The following CDH18 variants were observed in gnomAD, a reference collection of about 807,000 sequenced individuals.
CDH18 encodes cadherin-18.
Under a neutral mutation model 67.9 loss-of-function variants are expected in CDH18, and 31 were observed. The ratio of observed to expected loss-of-function variants is 0.46; its 90% confidence interval spans 0.34 to 0.62. CDH18 has a LOEUF of 0.62. CDH18 is among the 20% of genes least tolerant of loss of function. CDH18 has a pLI of 0.01. For missense variants in CDH18, 890 were observed against 975.5 expected, an observed-to-expected ratio of 0.91 and a Z score of 1.17; for synonymous variants, 362 against 347.2, an observed-to-expected ratio of 1.04 and a Z score of -0.48.
chr5:20,432,578 A>T (rs1202686371), intron 1 of CDH18, among the ~76,000 whole-genome samples: 1 of 152,052 alleles, frequency 6.6e-6, no homozygotes, highest in Non-Finnish European at 1.5e-5. Context: ...AGGACAAGGT[A>T]TTGGCCGGGC....
chr5:19,961,422 T>G (rs547283024), intron 2 of CDH18, among the ~76,000 whole-genome samples: 1 of 152,114 alleles, frequency 6.6e-6, no homozygotes, highest in East Asian at 1.9e-4. Context: ...CATTATAATC[T>G]TATGAGACCA....
intron 9 of CDH18, among the ~76,000 whole-genome samples, chr5:19,529,839 C>T (rs1395023797): frequency 1.3e-5 from 2 of 152,096 alleles, no homozygotes; most frequent in Admixed American, 6.5e-5. Context: ...GGATAAAATG[C>T]TCAATGTTGT....
chr5:20,295,872 CTTTT>C (rs35024141), intron 1 of CDH18, among the ~76,000 whole-genome samples: 2 of 109,970 alleles, frequency 1.8e-5, no homozygotes, highest in Admixed American at 1.1e-4. Context: ...TCTTTTTTTT[CTTTT>C]TTTTTTTTTT....
intron 10 of CDH18, among the ~76,000 whole-genome samples, chr5:19,519,194 G>C (rs551038400): frequency 6.6e-6 from 1 of 152,062 alleles, no homozygotes; most frequent in African/African-American, 2.4e-5. Context: ...ATTATGTCTA[G>C]AGTTTTTTAT....
intron 2 of CDH18, among the ~76,000 whole-genome samples, chr5:19,936,381 G>A (rs1473963123): frequency 1.3e-5 from 2 of 151,174 alleles, no homozygotes; most frequent in South Asian, 2.1e-4. Context: ...ACAAAATGTT[G>A]AGGAAAGCCA....
At chr5:19,714,566 A>C (rs1482223367) in intron 5 of CDH18, among the ~76,000 whole-genome samples, 1 of 151,688 alleles carries the variant, frequency 6.6e-6, no homozygotes, top group Non-Finnish European at 1.5e-5. Flanking sequence ...CAAGAGGAAC[A>C]AATTACTTAG....
chr5:19,495,011 T>C (rs1742050967), intron 11 of CDH18, among the ~76,000 whole-genome samples: 1 of 152,172 alleles, frequency 6.6e-6, no homozygotes, highest in African/African-American at 2.4e-5. Flanking sequence ...CATTAACAGT[T>C]CGTACTGTGA....
chr5:19,776,530 T>C (rs931007519), intron 3 of CDH18, among the ~76,000 whole-genome samples: 2 of 152,020 alleles, frequency 1.3e-5, no homozygotes, highest in African/African-American at 4.8e-5. Context: ...GAAAATAAAT[T>C]CATACAGGGA....
chr5:19,965,073 G>C (rs1167215931), intron 2 of CDH18, among the ~76,000 whole-genome samples: 16 of 152,184 alleles, frequency 1.1e-4, no homozygotes, highest in Non-Finnish European at 4.4e-5. Context: ...ATTTATCAAA[G>C]TTTTTGTGGA....
intron 2 of CDH18, among the ~76,000 whole-genome samples, chr5:20,016,671 A>G (rs1202499274): frequency 6.6e-6 from 1 of 152,148 alleles, no homozygotes; most frequent in African/African-American, 2.4e-5. Context: ...AAAATTTTCA[A>G]TTGTCCAATA....
At chr5:20,191,754 A>G (rs1266732907) in intron 2 of CDH18, among the ~76,000 whole-genome samples, 1 of 152,048 alleles carries the variant, frequency 6.6e-6, no homozygotes, top group Non-Finnish European at 1.5e-5. Context: ...TTTCCAGTCT[A>G]TCATTGATGG....
chr5:20,394,230 G>A (rs1263449878), intron 1 of CDH18, among the ~76,000 whole-genome samples: 2 of 146,600 alleles, frequency 1.4e-5, no homozygotes, highest in Non-Finnish European at 3.0e-5. Flanking sequence ...CAGTGGAAGA[G>A]AATATAGAAT....
chr5:19,474,784 A>C (rs1352273925), intron 12 of CDH18, among the ~76,000 whole-genome samples: 5 of 152,098 alleles, frequency 3.3e-5, no homozygotes, highest in Non-Finnish European at 7.4e-5. Context: ...GCTCTTGCTA[A>C]ATATGGTGGA....
intron 2 of CDH18, among the ~76,000 whole-genome samples, chr5:20,006,365 T>C (rs1736905067): frequency 6.6e-6 from 1 of 151,962 alleles, no homozygotes; most frequent in Non-Finnish European, 1.5e-5. Context: ...TACAATAATA[T>C]TTTCTACCAA....
intron 5 of CDH18, among the ~76,000 whole-genome samples, chr5:19,684,397 A>C (rs2150395962): frequency 6.6e-6 from 1 of 151,532 alleles, no homozygotes; most frequent in East Asian, 1.9e-4. Context: ...ATGCCAATTA[A>C]AAGAGAAAGA....
intron 10 of CDH18, among the ~76,000 whole-genome samples, chr5:19,516,907 G>A (rs111954891): frequency 0.013 from 2,010 of 152,044 alleles, 17 homozygotes; most frequent in Middle Eastern, 0.017. Flanking sequence ...GTTGGTTCCA[G>A]TCTGGGTTTT....
At chr5:19,486,495 T>TA (rs932385268) in intron 11 of CDH18, among the ~76,000 whole-genome samples, 11 of 151,978 alleles carry the variant, frequency 7.2e-5, no homozygotes, top group Admixed American at 2.0e-4. Context: ...ATACAATGGT[T>TA]AAAAAATAAA....
intron 2 of CDH18, among the ~76,000 whole-genome samples, chr5:20,073,265 C>A (rs1263924055): frequency 2.0e-5 from 3 of 151,940 alleles, no homozygotes; most frequent in Non-Finnish European, 1.5e-5. Context: ...GAAAGTAATT[C>A]TCCCTCTCTC....
At chr5:20,540,320 A>G (rs999142677) in intron 1 of CDH18, among the ~76,000 whole-genome samples, 1 of 151,572 alleles carries the variant, frequency 6.6e-6, no homozygotes, top group African/African-American at 2.4e-5. Context: ...GTTTTACAAG[A>G]CAGAAATGAA....
Sources: gnomAD v4.1 joint callset for allele counts (sites outside exome capture counted in the v4.1 genomes callset) on GRCh38, gnomAD v4.1.1 for gene constraint, MANE v1.5 for transcripts, NCBI Gene and HGNC (gene_info 2026-07-23, HGNC 2026-07-21) for gene names.